Variants in STYXL1 observed in about 807,000 individuals in gnomAD.
The protein encoded by STYXL1 is serine/threonine/tyrosine interacting like 1.
A neutral mutation model predicts 36.4 loss-of-function variants in STYXL1; 32 were observed. The ratio of observed to expected loss-of-function variants is 0.88; its 90% CI spans 0.66 to 1.18. The LOEUF (loss-of-function observed/expected upper bound fraction) is 1.18, where lower values mean the gene tolerates loss of function less well. Ranked by LOEUF, STYXL1 falls within the 50% of genes most tolerant of loss-of-function variation. The probability of loss-of-function intolerance (pLI) is 0.00; values close to 1 mark genes in which losing one functional copy is unlikely to be tolerated. For missense variants in STYXL1, 354 were observed against 394.1 expected, an observed-to-expected ratio of 0.90 and a Z score of 0.86; for synonymous variants, 133 against 144.1, an observed-to-expected ratio of 0.92 and a Z score of 0.55.
At chr7:76,041,831 A>G (rs1008231331) in intron 1 of STYXL1, among the ~76,000 whole-genome samples, 1 of 152,256 alleles carries the variant, frequency 6.6e-6, no homozygotes, top group Non-Finnish European at 1.5e-5. Context: ...GATCATAGAA[A>G]TCAGGAAATA....
intron 4 of STYXL1, among the ~76,000 whole-genome samples, chr7:76,020,500 C>T (rs1294176967): frequency 6.6e-6 from 1 of 152,210 alleles, no homozygotes; most frequent in African/African-American, 2.4e-5. Flanking sequence ...AATGTTCTGA[C>T]TTGGGGCTGC....
intron 5 of STYXL1, among the ~76,000 whole-genome samples, chr7:76,010,359 C>G (rs1225087422): frequency 1.3e-5 from 2 of 152,150 alleles, no homozygotes; most frequent in Admixed American, 1.3e-4. Flanking sequence ...GGCATGCATA[C>G]CCTGGATCTG....
chr7:76,034,970 C>T (rs1250761439), intron 1 of STYXL1, among the ~76,000 whole-genome samples: 14 of 150,676 alleles, frequency 9.3e-5, no homozygotes, highest in Non-Finnish European at 2.1e-4. Context: ...TGGTAGACAT[C>T]GTAAATACAG....
intron 1 of STYXL1, among the ~76,000 whole-genome samples, chr7:76,034,006 T>C (rs1795673691): frequency 6.6e-6 from 1 of 152,218 alleles, no homozygotes; most frequent in South Asian, 2.1e-4. Context: ...AGTACCTGCC[T>C]GGTGTATGTG....
Position 76,003,773 on chromosome 7 carries a change from T to C in STYXL1, c.682A>G (p.Met228Val), listed in dbSNP as rs1791286994. 1.2e-6 allele frequency: 2 copies of C among 1,614,144 alleles called. No individual in the cohort carries two copies. The highest frequency in any genetic ancestry group is 1.7e-6 in the Non-Finnish European group (2 of 1,180,016). ...CGCTCCTTACCAATGAAGTGACACA[T>C]GTGGCGTAAGAAGGGAAGAATCTGG... ...EAQILPFLRH[M>V]CHFIEIHHHL... The change falls in exon 7 of 9, where the codon ATG becomes GTG. Residue 228 changes from methionine to valine, a missense_variant. Coordinates refer to ENST00000359697, the MANE Select transcript of STYXL1 (RefSeq NM_001317785.2).
chr7:75,999,672 A>G (rs1554565812), intron 8 of STYXL1, among the ~76,000 whole-genome samples: 1 of 151,536 alleles, frequency 6.6e-6, no homozygotes, highest in African/African-American at 2.4e-5. Flanking sequence ...CTCAGCCTCC[A>G]GAGTAGCTGG....
intron 3 of STYXL1, among the ~76,000 whole-genome samples, chr7:76,023,686 C>G (rs1425105530): frequency 6.6e-6 from 1 of 152,022 alleles, no homozygotes; most frequent in Non-Finnish European, 1.5e-5. Context: ...ATGATTGCAT[C>G]ACTGCGCTCC....
intron 4 of STYXL1, among the ~76,000 whole-genome samples, chr7:76,017,005 T>C (rs1351919280): frequency 6.6e-6 from 1 of 151,968 alleles, no homozygotes; most frequent in Non-Finnish European, 1.5e-5. Context: ...CAACAACGGA[T>C]TGTATTTATT....
chr7:76,016,646 A>G (rs2115891290), intron 4 of STYXL1, among the ~76,000 whole-genome samples: 1 of 152,306 alleles, frequency 6.6e-6, no homozygotes, highest in East Asian at 1.9e-4. Flanking sequence ...GCTTGACATC[A>G]CTAATCATCA....
chr7:76,012,195 C>T (rs1404087081), intron 5 of STYXL1, among the ~76,000 whole-genome samples: 7 of 152,258 alleles, frequency 4.6e-5, no homozygotes, highest in African/African-American at 1.7e-4. Context: ...TGGTCTTGAA[C>T]TCCTGAGATC....
intron 4 of STYXL1, among the ~76,000 whole-genome samples, chr7:76,020,429 A>G (rs1435213613): frequency 6.6e-6 from 1 of 152,176 alleles, no homozygotes; most frequent in Non-Finnish European, 1.5e-5. Context: ...ACCAGGGGCT[A>G]ATGAAGAACA....
intron 3 of STYXL1, 106 bp from the exon 4 acceptor site, chr7:76,022,098 C>T: frequency 6.6e-7 from 1 of 1,514,140 alleles, no homozygotes; most frequent in Admixed American, 2.1e-5. Flanking sequence ...AGACCGCACT[C>T]TCTCCCCTGA....
rs182893424 is a variant in STYXL1, at chr7:76,030,077, T to G, written c.103+344A>C. On this transcript the variant is annotated intron_variant, in intron 2 of 8. Coordinates refer to ENST00000359697, the MANE Select transcript of STYXL1 (RefSeq NM_001317785.2). ...TGCAGTGGCCCAAATCTCGGCTCAC[T>G]CCAACCTCCACCTTCCAGGTTCAAG... is the stretch of plus-strand genomic sequence containing the variant. Among the ~76,000 whole-genome samples the G allele has an allele frequency of 1.8e-3, 275 of 152,096 alleles. 1 individual carries two copies. The highest frequency in any genetic ancestry group is 6.1e-3 in the African/African-American group (254 of 41,466).
Position 76,047,729 on chromosome 7 carries a change from G to A in STYXL1, c.-72C>T, listed in dbSNP as rs1554584187. 7.8e-6 allele frequency: 2 copies of A among 257,498 alleles called. No individual in the cohort carries two copies. Among genetic ancestry groups the A allele is most frequent in the East Asian group, 1.4e-4 (1 of 6,948 alleles). 16.0% of individuals were successfully genotyped at this position (257,498 alleles called of 1,614,324 possible). A position where few individuals can be genotyped will look rare whatever the true frequency, so the allele number is the denominator to read the frequency against. On this transcript the variant is annotated 5_prime_UTR_variant, in exon 1 of 9. Transcript: ENST00000359697. ...GGAATGGGTTTGGCTGAGGTCGGGG[G>A]CTCGGGTCTGGGACGCGCTCCACCT...
At chr7:76,003,136 A>T (rs1472191641) in intron 7 of STYXL1, among the ~76,000 whole-genome samples, 3 of 151,784 alleles carry the variant, frequency 2.0e-5, no homozygotes, top group Non-Finnish European at 2.9e-5. Context: ...TTGATGAGTT[A>T]AGTAACTGGT....
At chr7:76,037,706 C>G (rs1796053473) in intron 1 of STYXL1, among the ~76,000 whole-genome samples, 1 of 149,656 alleles carries the variant, frequency 6.7e-6, no homozygotes, top group African/African-American at 2.4e-5. Context: ...CCCTAACCCC[C>G]AAGACAGTCC....
At chr7:76,018,759 T>C (rs1453053617) in intron 4 of STYXL1, among the ~76,000 whole-genome samples, 1 of 152,230 alleles carries the variant, frequency 6.6e-6, no homozygotes, top group Admixed American at 6.5e-5. Context: ...TCTACCTGTT[T>C]AGCTGCTGAT....
intron 1 of STYXL1, among the ~76,000 whole-genome samples, chr7:76,032,112 C>T (rs1005481789): frequency 6.6e-6 from 1 of 151,864 alleles, no homozygotes; most frequent in Non-Finnish European, 1.5e-5. Context: ...TACAAATTAG[C>T]TGGGCATGGT....
At chr7:76,006,516 C>T (rs1287319761) in intron 5 of STYXL1, among the ~76,000 whole-genome samples, 1 of 152,116 alleles carries the variant, frequency 6.6e-6, no homozygotes, top group Non-Finnish European at 1.5e-5. Context: ...GTAATCCCAG[C>T]ACTTTGGGAG....
Sources: allele counts gnomAD v4.1 joint callset (sites outside exome capture counted in the v4.1 genomes callset), GRCh38; gene constraint gnomAD v4.1.1; transcripts MANE v1.5; gene names NCBI Gene and HGNC (gene_info 2026-07-23, HGNC 2026-07-21).